The following IQCJ variants were observed in gnomAD, a reference collection of about 807,000 sequenced individuals.
IQCJ encodes the protein IQ domain-containing protein J.
Under a neutral mutation model 11.0 loss-of-function variants are expected in IQCJ, and 9 were observed. The ratio of observed to expected loss-of-function variants is 0.82; its 90% CI spans 0.49 to 1.43. The LOEUF (loss-of-function observed/expected upper bound fraction) is 1.43. Among genes scored for constraint, IQCJ ranks in the 40% most tolerant of loss-of-function variants. The probability of loss-of-function intolerance (pLI) is 0.00; values close to 1 mark genes in which losing one functional copy is unlikely to be tolerated. For missense variants in IQCJ, 146 were observed against 133.2 expected (o/e 1.10, Z -0.47); for synonymous variants, 55 against 51.3 (o/e 1.07, Z -0.31).
intron 1 of IQCJ, among the ~76,000 whole-genome samples, chr3:159,126,635 G>A (rs183789658): frequency 8.5e-5 from 13 of 152,314 alleles, no homozygotes; most frequent in Non-Finnish European, 1.2e-4. Context: ...AAAAAGCTGG[G>A]TGTTTTTCAA....
At chr3:159,119,894 A>G (rs1444357693) in intron 1 of IQCJ, among the ~76,000 whole-genome samples, 2 of 152,158 alleles carry the variant, frequency 1.3e-5, no homozygotes, top group African/African-American at 4.8e-5. Flanking sequence ...TTCACCTTAT[A>G]TGGAAATTCT....
chr3:159,070,727 G>T (rs1715510576), intron 1 of IQCJ, among the ~76,000 whole-genome samples: 1 of 152,058 alleles, frequency 6.6e-6, no homozygotes, highest in Non-Finnish European at 1.5e-5. Flanking sequence ...TGAACTAGTA[G>T]TTTTCTAAGA....
intron 1 of IQCJ, among the ~76,000 whole-genome samples, chr3:159,090,754 A>T (rs1717216046): frequency 6.6e-6 from 1 of 151,838 alleles, no homozygotes; most frequent in Non-Finnish European, 1.5e-5. Flanking sequence ...TGAAAGGCAG[A>T]GCTGGGACTC....
intron 1 of IQCJ, among the ~76,000 whole-genome samples, chr3:159,109,688 A>C: frequency 6.6e-6 from 1 of 151,886 alleles, no homozygotes; most frequent in East Asian, 1.9e-4. Context: ...TGTGTCCTGC[A>C]CCTTCACATT....
chr3:159,093,322 T>C (rs1466101601), intron 1 of IQCJ, among the ~76,000 whole-genome samples: 4 of 151,922 alleles, frequency 2.6e-5, no homozygotes, highest in African/African-American at 9.7e-5. Flanking sequence ...TCCTAGAGAT[T>C]GATCATTTTC....
chr3:159,090,703 C>A (rs1717210645), intron 1 of IQCJ, among the ~76,000 whole-genome samples: 1 of 151,802 alleles, frequency 6.6e-6, no homozygotes, highest in African/African-American at 2.4e-5. Context: ...CGTACAGCGG[C>A]CTCTCTTTCC....
At chr3:159,174,820 G>A (rs78987470) in intron 1 of IQCJ, among the ~76,000 whole-genome samples, 6,055 of 151,362 alleles carry the variant, frequency 0.04, 381 homozygotes, top group African/African-American at 0.14. Flanking sequence ...CCATGTTATT[G>A]AGATAAATGA....
chr3:159,102,152 C>T (rs898038674), intron 1 of IQCJ, among the ~76,000 whole-genome samples: 1 of 152,208 alleles, frequency 6.6e-6, no homozygotes, highest in Non-Finnish European at 1.5e-5. Flanking sequence ...GAGTGCTGTA[C>T]ATCAGTTGTC....
chr3:159,112,093 C>G (rs377751257), intron 1 of IQCJ, among the ~76,000 whole-genome samples: 2 of 152,230 alleles, frequency 1.3e-5, no homozygotes, highest in East Asian at 3.9e-4. Flanking sequence ...ACACTGTATG[C>G]CATAGGCACT....
intron 1 of IQCJ, among the ~76,000 whole-genome samples, chr3:159,195,349 T>C (rs1237819868): frequency 6.6e-6 from 1 of 152,152 alleles, no homozygotes; most frequent in Non-Finnish European, 1.5e-5. Context: ...TGGTTATTGG[T>C]TTGGTGGCCA....
chr3:159,146,019 C>G (rs757412329), intron 1 of IQCJ, among the ~76,000 whole-genome samples: 13 of 152,116 alleles, frequency 8.5e-5, no homozygotes, highest in Non-Finnish European at 1.3e-4. Context: ...AAAGGACATA[C>G]AGGATTTTGA....
intron 1 of IQCJ, among the ~76,000 whole-genome samples, chr3:159,102,887 G>A (rs1292086959): frequency 6.6e-6 from 1 of 152,124 alleles, no homozygotes; most frequent in Non-Finnish European, 1.5e-5. Context: ...AACCAGGGGT[G>A]GTAGATTTTA....
rs745978427 is a variant in IQCJ, at chr3:159,252,779, C to A, written c.127C>A (p.Leu43Ile). The A allele has an allele frequency of 4.3e-5, 69 of 1,612,440 alleles. No individual in the cohort carries two copies. The highest frequency in any genetic ancestry group is 4.2e-6 in the Non-Finnish European group (5 of 1,179,218). The change falls in exon 3 of 4, where the codon CTA (leucine) becomes ATA (isoleucine). Residue 43 changes from leucine to isoleucine, a missense_variant. Transcript: ENST00000397832. ...TAATATTGAAAAGTATCCCCTCAAT[C>A]TACAGCCCTTGGAATCAAAGGTGAA... ...ENNIEKYPLN[L>I]QPLESKVKII...
At chr3:159,105,588 T>C (rs938909380) in intron 1 of IQCJ, among the ~76,000 whole-genome samples, 1 of 152,040 alleles carries the variant, frequency 6.6e-6, no homozygotes, top group African/African-American at 2.4e-5. Flanking sequence ...CTGCTGGTAG[T>C]GGATATTTAG....
At chr3:159,074,354 C>T (rs1405369643) in intron 1 of IQCJ, among the ~76,000 whole-genome samples, 1 of 151,902 alleles carries the variant, frequency 6.6e-6, no homozygotes, top group African/African-American at 2.4e-5. Context: ...GATTTTAAGT[C>T]TTATTAAAAG....
rs73877544 is a variant in IQCJ at position 159,195,594 on chromosome 3, T to C, written c.10-50249T>C. On this transcript the variant is annotated intron_variant, in intron 1 of 3. Coordinates refer to ENST00000397832, the MANE Select transcript of IQCJ (RefSeq NM_001042706.3). ...TATTTCTTCCCAAACAGTACCTTACTCTTCTGTTGTAAACTTGCTAGGGTA... is the reference window on the plus strand; with the variant it reads ...TATTTCTTCCCAAACAGTACCTTACCCTTCTGTTGTAAACTTGCTAGGGTA... Among the ~76,000 whole-genome samples, 306 of 152,292 alleles carry C rather than the reference T, an allele frequency of 2.0e-3. 1 individual carries two copies. The highest frequency in any genetic ancestry group is 7.2e-3 in the African/African-American group (298 of 41,570).
At chr3:159,167,106 T>A (rs1722212614) in intron 1 of IQCJ, among the ~76,000 whole-genome samples, 1 of 152,208 alleles carries the variant, frequency 6.6e-6, no homozygotes, top group African/African-American at 2.4e-5. Flanking sequence ...TTTATTCTGC[T>A]GGGGACTCAC....
At chr3:159,149,222 T>C (rs1033120834) in intron 1 of IQCJ, among the ~76,000 whole-genome samples, 1 of 152,182 alleles carries the variant, frequency 6.6e-6, no homozygotes, top group Non-Finnish European at 1.5e-5. Flanking sequence ...GACTGCTCAT[T>C]TGTAGTAGAA....
chr3:159,103,416 C>T (rs1718053827), intron 1 of IQCJ, among the ~76,000 whole-genome samples: 3 of 152,060 alleles, frequency 2.0e-5, no homozygotes, highest in Admixed American at 2.0e-4. Flanking sequence ...TGTCATACTC[C>T]ACTCTTGAGG....
Sources: allele counts gnomAD v4.1 joint callset (sites outside exome capture counted in the v4.1 genomes callset), GRCh38; gene constraint gnomAD v4.1.1; transcripts MANE v1.5; gene names NCBI Gene and HGNC (gene_info 2026-07-23, HGNC 2026-07-21).